The following AATK variants were observed in gnomAD, a reference collection of about 807,000 sequenced individuals.
AATK encodes the protein lemur tail kinase 1.
A neutral mutation model predicts 114.3 loss-of-function variants in AATK; 91 were observed. The ratio of observed to expected loss-of-function variants is 0.80; its 90% CI spans 0.67 to 0.95. The LOEUF is 0.95. Ranked by LOEUF, AATK falls within the 40% of genes least tolerant of loss-of-function variation. AATK has a pLI of 0.00. For synonymous variants in AATK, 1,075 were observed against 916.5 expected, an observed-to-expected ratio of 1.17 and a Z score of -3.12; for missense variants, 2,176 against 1,965.2, an observed-to-expected ratio of 1.11 and a Z score of -2.03.
In AATK at chr17:81,126,901, CCT is replaced by C. The variant is rs2060838498; in HGVS notation, c.622-343_622-342del. On this transcript the variant is annotated intron_variant, in intron 6 of 13. Transcript: ENST00000326724. This position sits in a 1 kb window ranked among gnomAD's most constrained non-coding sequence, Gnocchi z 5.1. Reference sequence around the variant, plus strand: ...GGTGGTCGAGGGTTGGCCGGCAGCCCCTGACCTGCCGAAAGCCCAGCCCCGGG... The same window carrying C: ...GGTGGTCGAGGGTTGGCCGGCAGCCCGACCTGCCGAAAGCCCAGCCCCGGG... 1 of 1,104,352 alleles carries C rather than the reference CCT, an allele frequency of 9.1e-7. No individual in the cohort carries two copies. Among genetic ancestry groups the C allele is most frequent in the African/African-American group, 1.6e-5 (1 of 62,342 alleles). The allele number at this position is 1,104,352 out of a possible 1,614,324, so 68.4% of individuals were successfully genotyped here. A position where few individuals can be genotyped will look rare whatever the true frequency, so the allele number is the denominator to read the frequency against.
intron 1 of AATK, among the ~76,000 whole-genome samples, chr17:81,156,106 C>T (rs1195835042): frequency 1.5e-5 from 2 of 129,312 alleles, no homozygotes; most frequent in African/African-American, 3.3e-5. Context: ...ATGTATGTTA[C>T]AATGTATGTT....
At position 81,121,783 on chromosome 17, in the gene AATK, G is replaced by A. The variant is rs769599692; in HGVS notation, c.2153C>T (p.Ser718Phe). 1.3e-5 allele frequency: 20 copies of A among 1,553,030 alleles called. No homozygotes were observed. The highest frequency in any genetic ancestry group is 1.5e-5 in the Non-Finnish European group (17 of 1,153,170). Residue 718 changes from serine (S) to phenylalanine (F), a missense_variant, in exon 11 of 14, where the codon TCC becomes TTC. Coordinates refer to ENST00000326724, the MANE Select transcript of AATK (RefSeq NM_001080395.3). ...CPSPKQTPRASPEPGYPGEPL... is the reference protein window; with the variant it reads ...CPSPKQTPRAFPEPGYPGEPL... ...CTCTCCAGGGTACCCCGGCTCGGGG[G>A]AGGCCCGTGGGGTCTGCTTTGGACT... is the stretch of plus-strand genomic sequence containing the variant.
chr17:81,165,830 CG>C, intron 1 of AATK, 107 bp downstream of exon 1: 1 of 1,509,418 alleles, frequency 6.6e-7, no homozygotes, highest in Non-Finnish European at 8.9e-7. Flanking sequence ...GGGCTCGGGG[CG>C]GGGAAAGGGT....
intron 1 of AATK, among the ~76,000 whole-genome samples, chr17:81,162,819 CA>C (rs1256098718): frequency 6.6e-6 from 1 of 152,162 alleles, no homozygotes; most frequent in Non-Finnish European, 1.5e-5. Context: ...AGCTGAGGGA[CA>C]GGGGAGAGGC....
In AATK at chr17:81,122,489, C is replaced by T; in HGVS notation, c.1447G>A (p.Ala483Thr). The T allele has an allele frequency of 1.4e-6, 2 of 1,461,122 alleles. No homozygotes were observed. The highest frequency in any genetic ancestry group is 1.8e-6 in the Non-Finnish European group (2 of 1,101,740). 90.5% of individuals were successfully genotyped at this position (1,461,122 alleles called of 1,614,324 possible). A position where few individuals can be genotyped will look rare whatever the true frequency, so the allele number is the denominator to read the frequency against. ...RGLNFEYKWE[A>T]GRGAEAFPAT... ...GGGAAGGCCTCCGCGCCGCGGCCCG[C>T]CTCCCACTTGTACTCAAAATTGAGG... Residue 483 changes from alanine to threonine, a missense_variant, in exon 11 of 14, where the codon GCG becomes ACG. Coordinates refer to ENST00000326724, the MANE Select transcript of AATK (RefSeq NM_001080395.3).
At chr17:81,123,107 A>G (rs1598908054) in intron 10 of AATK, 87 bp downstream of exon 10, 1 of 1,336,532 alleles carries the variant, frequency 7.5e-7, no homozygotes. Context: ...CTGGAACGCC[A>G]GGGGGTCAGG....
intron 1 of AATK, among the ~76,000 whole-genome samples, chr17:81,136,679 C>G (rs1198047444): frequency 5.9e-5 from 9 of 152,232 alleles, no homozygotes; most frequent in African/African-American, 2.2e-4. Flanking sequence ...GCACCACGTG[C>G]TGACTCAGTG....
Position 81,122,218 on chromosome 17 carries a change from G to C in AATK, c.1718C>G (p.Ala573Gly). 1 of 1,495,454 alleles carries C rather than the reference G, an allele frequency of 6.7e-7. No homozygotes were observed. Among genetic ancestry groups the C allele is most frequent in the Non-Finnish European group, 8.9e-7 (1 of 1,124,660 alleles). The allele number at this position is 1,495,454 out of a possible 1,614,324, so 92.6% of individuals were successfully genotyped here. Residue 573 changes from alanine to glycine, a missense_variant, in exon 11 of 14, where the codon GCC becomes GGC. Physicochemically the swap from Ala to Gly is moderately conservative, Grantham distance 60 (BLOSUM62 0). Coordinates refer to ENST00000326724, the MANE Select transcript of AATK (RefSeq NM_001080395.3). ...DSDGSTAASL[A>G]MEPLLGHGPP... ...CCCGTGGCCCAGCAGCGGCTCCATGGCCAGCGAGGCGGCGGTGCTGCCGTC... is the reference window on the plus strand; with the variant it reads ...CCCGTGGCCCAGCAGCGGCTCCATGCCCAGCGAGGCGGCGGTGCTGCCGTC...
At chr17:81,124,903 C>CCCGG in intron 8 of AATK, 27 bp downstream of exon 8, 1 of 1,538,210 alleles carries the variant, frequency 6.5e-7, no homozygotes, top group Non-Finnish European at 8.8e-7. Flanking sequence ...CCCTCATGCC[C>CCCGG]AGCCCAGCCC....
At chr17:81,131,800 G>A (rs1023580950) in intron 2 of AATK, 16 of 1,271,940 alleles carry the variant, frequency 1.3e-5, no homozygotes, top group Admixed American at 7.2e-5. Flanking sequence ...ACAGTCCTGT[G>A]GGAGAAGCAA....
At position 81,126,732 on chromosome 17, in the gene AATK, G is replaced by T. The variant is rs1033620188; in HGVS notation, c.622-172C>A. On this transcript the variant is annotated intron_variant, in intron 6 of 13. Transcript: ENST00000326724. This position sits in a 1 kb window ranked among gnomAD's most constrained non-coding sequence, Gnocchi z 5.1. ...CCAGCACCCAGCAGTTCCTGGAGGG[G>T]GGCCGTGTCCCCCAGGGCTGGGCTG... The T allele has an allele frequency of 5.2e-5, 73 of 1,417,184 alleles. 2 individuals carry two copies. In the Middle Eastern group the frequency reaches 8.7e-4, roughly 17 times the overall value. 87.8% of individuals were successfully genotyped at this position (1,417,184 alleles called of 1,614,324 possible). A position where few individuals can be genotyped will look rare whatever the true frequency, so the allele number is the denominator to read the frequency against.
At chr17:81,140,620 G>A (rs952638461) in intron 1 of AATK, among the ~76,000 whole-genome samples, 1 of 149,044 alleles carries the variant, frequency 6.7e-6, no homozygotes, top group Non-Finnish European at 1.5e-5. Flanking sequence ...GGAGATGAGA[G>A]AAGTGACTGC....
rs912170776 is a variant in AATK at position 81,165,753 on chromosome 17, T to G, written c.55+185A>C. Reference sequence around the variant, plus strand: ...CAGCCCACAGGCGGAGGCCGGTTTGTGCTGGGGCCCAGGGCCTGCCCCTCC... The same window carrying G: ...CAGCCCACAGGCGGAGGCCGGTTTGGGCTGGGGCCCAGGGCCTGCCCCTCC... On this transcript the variant is annotated intron_variant, in intron 1 of 13. Coordinates refer to ENST00000326724, the MANE Select transcript of AATK (RefSeq NM_001080395.3). 17 of 1,524,206 alleles carry G rather than the reference T, an allele frequency of 1.1e-5. No individual in the cohort carries two copies. The East Asian group carries it at 4.0e-4, about 36-fold the overall frequency. 94.4% of individuals were successfully genotyped at this position (1,524,206 alleles called of 1,614,324 possible).
At chr17:81,119,199 G>T (rs2060638592) in intron 13 of AATK, among the ~76,000 whole-genome samples, 181 bp downstream of exon 13, 1 of 142,060 alleles carries the variant, frequency 7.0e-6, no homozygotes, top group Non-Finnish European at 1.6e-5. Flanking sequence ...TGAGGGCCAG[G>T]CGAGGGCCAG....
At chr17:81,133,425 G>A (rs762269313) in intron 2 of AATK, 19 of 325,958 alleles carry the variant, frequency 5.8e-5, no homozygotes, top group South Asian at 8.7e-5. Flanking sequence ...TCACTTAGTA[G>A]GAAGGCACCC....
Position 81,124,842 on chromosome 17 carries a change from A to G in AATK, c.847T>C (p.Tyr283His). Residue 283 changes from tyrosine (Y) to histidine (H), a missense_variant, in exon 9 of 14, where the codon TAC (tyrosine) becomes CAC (histidine). This residue lies in a region of AATK where 273 missense variants were observed against 344.1 expected (regional missense o/e 0.79). Transcript: ENST00000326724. ...GLAHCKYREDYFVTADQLWVP... is the reference protein window; with the variant it reads ...GLAHCKYREDHFVTADQLWVP... ...CACAGCTGGTCGGCAGTCACGAAGT[A>G]GTCCTCCTGTTGGCACAGGGACGGG... 1 of 1,609,730 alleles carries G rather than the reference A, an allele frequency of 6.2e-7. No homozygotes were observed. The highest frequency in any genetic ancestry group is 8.5e-7 in the Non-Finnish European group (1 of 1,178,304).
At chr17:81,141,949 TTCCTTTCCTTCC>T (rs769029219) in intron 1 of AATK, among the ~76,000 whole-genome samples, 445 of 133,576 alleles carry the variant, frequency 3.3e-3, no homozygotes, top group East Asian at 0.031. Context: ...CCTTCCTTCC[TTCCTTTCCTTCC>T]TTCCTTCCTT....
intron 1 of AATK, among the ~76,000 whole-genome samples, chr17:81,136,722 C>T (rs1011835789): frequency 6.6e-6 from 1 of 152,198 alleles, no homozygotes; most frequent in African/African-American, 2.4e-5. Context: ...ACCAGGCAGG[C>T]CTGCCCATGA....
At chr17:81,141,647 G>C (rs1259980392) in intron 1 of AATK, among the ~76,000 whole-genome samples, 2 of 152,202 alleles carry the variant, frequency 1.3e-5, no homozygotes, top group Admixed American at 6.5e-5. Context: ...CAAGGGTGGG[G>C]GTGCCATGGA....
Sources: allele counts gnomAD v4.1 joint callset (sites outside exome capture counted in the v4.1 genomes callset), GRCh38; gene constraint gnomAD v4.1.1; regional missense constraint gnomAD v4.1.1; non-coding constraint Gnocchi (gnomAD v3.1); transcripts MANE v1.5; gene names NCBI Gene and HGNC (gene_info 2026-07-23, HGNC 2026-07-21).